PYGL: variants seen among roughly 807,000 people sequenced by gnomAD.
PYGL encodes the protein glycogen phosphorylase, liver form.
A neutral mutation model predicts 100.1 loss-of-function variants in PYGL; 90 were observed. The ratio of observed to expected loss-of-function variants is 0.90; its 90% confidence interval spans 0.76 to 1.07. The LOEUF (loss-of-function observed/expected upper bound fraction) is 1.07. Among genes scored for constraint, PYGL ranks in the 50% least tolerant of loss-of-function variants. PYGL has a pLI of 0.00. For synonymous variants in PYGL, 373 were observed against 393.0 expected, an observed-to-expected ratio of 0.95 and a Z score of 0.60; for missense variants, 1,016 against 1,057.6, an observed-to-expected ratio of 0.96 and a Z score of 0.55.
chr14:50,912,501 C>G (rs981234003), intron 13 of PYGL, 198 bp from the exon 14 acceptor site: 18 of 652,058 alleles, frequency 2.8e-5, no homozygotes, highest in Non-Finnish European at 4.4e-5. Flanking sequence ...ACCACTACTG[C>G]CTGGCTAATT....
At chr14:50,917,802 C>T (rs1371881192) in intron 7 of PYGL, among the ~76,000 whole-genome samples, 11 of 152,226 alleles carry the variant, frequency 7.2e-5, no homozygotes, top group Non-Finnish European at 1.6e-4. Context: ...GATTTGCTGT[C>T]GGTCACCTCA....
intron 4 of PYGL, among the ~76,000 whole-genome samples, chr14:50,926,629 G>A (rs2050549901): frequency 6.9e-6 from 1 of 145,826 alleles, no homozygotes; most frequent in African/African-American, 2.6e-5. Flanking sequence ...AGGAGGCTGA[G>A]GCAAAAGAAT....
At chr14:50,909,052 C>T (rs2050363897) in intron 17 of PYGL, 97 bp from the exon 18 acceptor site, 3 of 1,355,656 alleles carry the variant, frequency 2.2e-6, no homozygotes, top group African/African-American at 2.9e-5. Context: ...TGAAAAAATA[C>T]ATTCAGAAAT....
chr14:50,928,927 T>C (rs991397557), intron 4 of PYGL, among the ~76,000 whole-genome samples: 9 of 152,240 alleles, frequency 5.9e-5, no homozygotes, highest in African/African-American at 1.7e-4. Context: ...CCCATCCCAG[T>C]AAACAATGGA....
intron 1 of PYGL, among the ~76,000 whole-genome samples, chr14:50,941,112 A>C (rs567844540): frequency 6.6e-6 from 1 of 152,374 alleles, no homozygotes; most frequent in African/African-American, 2.4e-5. Flanking sequence ...GCCAATGATA[A>C]TTGAGCAGGG....
chr14:50,933,765 TAC>T (rs748372449), intron 3 of PYGL, among the ~76,000 whole-genome samples: 1 of 151,266 alleles, frequency 6.6e-6, no homozygotes, highest in Non-Finnish European at 1.5e-5. Flanking sequence ...CACACATATA[TAC>T]ACACACACAC....
chr14:50,943,739 T>A (rs1403387479), intron 1 of PYGL, among the ~76,000 whole-genome samples: 2 of 152,210 alleles, frequency 1.3e-5, no homozygotes, highest in Non-Finnish European at 1.5e-5. Flanking sequence ...AAGATTTTTG[T>A]CCCTTTTGTT....
chr14:50,919,561 C>A (rs894201831), intron 7 of PYGL, among the ~76,000 whole-genome samples: 2 of 152,084 alleles, frequency 1.3e-5, no homozygotes, highest in African/African-American at 4.8e-5. Context: ...TTAAAAAAAT[C>A]ATTACAGCTT....
At chr14:50,923,943 G>C (rs374482559) in intron 5 of PYGL, 26 bp downstream of exon 5, 2 of 1,606,586 alleles carry the variant, frequency 1.2e-6, no homozygotes, top group South Asian at 1.1e-5. Context: ...TATACAAAAC[G>C]CTGGCTATAC....
In PYGL at chr14:50,908,308, T is replaced by G. The variant is rs1437176824; in HGVS notation, c.2342A>C (p.Tyr781Ser). The G allele has an allele frequency of 4.4e-6, 7 of 1,605,040 alleles. No individual in the cohort carries two copies. Among genetic ancestry groups the G allele is most frequent in the Admixed American group, 1.7e-5 (1 of 59,994 alleles). The change falls in exon 19 of 20, where the codon TAT (tyrosine) becomes TCT (serine). Residue 781 changes from tyrosine to serine, a missense_variant. Transcript: ENST00000216392. Reference protein sequence around the residue: ...RFKVFADYEAYVKCQDKVSQL... With the variant: ...RFKVFADYEASVKCQDKVSQL... ...ACTCACTTTATCTTGACACTTGACA[T>G]AGGCTTCGTAGTCTGCAAAGACTTT...
At chr14:50,930,660 C>G (rs1379817947) in intron 4 of PYGL, among the ~76,000 whole-genome samples, 1 of 152,094 alleles carries the variant, frequency 6.6e-6, no homozygotes, top group Non-Finnish European at 1.5e-5. Flanking sequence ...AGTGGTGACA[C>G]TAAACTCATT....
intron 4 of PYGL, among the ~76,000 whole-genome samples, chr14:50,929,223 G>T (rs1012765785): frequency 6.6e-6 from 1 of 151,988 alleles, no homozygotes; most frequent in Non-Finnish European, 1.5e-5. Flanking sequence ...GCCAATTTTT[G>T]TATTTTTAGT....
chr14:50,914,070 TGTTA>T lies in PYGL; in HGVS notation c.1518+627_1518+630del, dbSNP rs577582530. Among the ~76,000 whole-genome samples, 686 of 152,326 alleles carry T rather than the reference TGTTA, an allele frequency of 4.5e-3. 3 individuals are homozygous for T. The highest frequency in any genetic ancestry group is 7.4e-3 in the Non-Finnish European group (506 of 68,032). On this transcript the variant is annotated intron_variant, in intron 12 of 19. Coordinates refer to ENST00000216392, the MANE Select transcript of PYGL (RefSeq NM_002863.5). ...TAAGAGTGACCAGGAACCCAGGTTCTGTTAGTTATTTATATGAGCTTTATTATCC... is the reference window on the plus strand; with the variant it reads ...TAAGAGTGACCAGGAACCCAGGTTCTGTTATTTATATGAGCTTTATTATCC...
chr14:50,909,849 GGGGGGA>G, intron 17 of PYGL, 40 bp downstream of exon 17: 1 of 1,601,502 alleles, frequency 6.2e-7, no homozygotes, highest in Non-Finnish European at 8.6e-7. Context: ...ATACCTTCTA[GGGGGGA>G]GGGGCAGTCC....
intron 4 of PYGL, among the ~76,000 whole-genome samples, chr14:50,925,436 A>G (rs181145936): frequency 1.2e-4 from 19 of 152,336 alleles, no homozygotes; most frequent in African/African-American, 4.3e-4. Flanking sequence ...AATCTCCAAT[A>G]TGGTTATTTT....
At chr14:50,920,004 A>G (rs1184604781) in intron 7 of PYGL, among the ~76,000 whole-genome samples, 2 of 151,230 alleles carry the variant, frequency 1.3e-5, no homozygotes, top group African/African-American at 2.4e-5. Context: ...TTTTTTTTTA[A>G]CTAAGCTATA....
At chr14:50,927,386 A>G (rs1259222368) in intron 4 of PYGL, among the ~76,000 whole-genome samples, 2 of 151,898 alleles carry the variant, frequency 1.3e-5, no homozygotes, top group Non-Finnish European at 1.5e-5. Flanking sequence ...CACCACACAC[A>G]ACTAATTTTT....
At chr14:50,908,020 C>CAAA (rs34040095) in intron 19 of PYGL, 2,320 of 226,662 alleles carry the variant, frequency 0.01, 13 homozygotes, top group Non-Finnish European at 0.013. Flanking sequence ...AGATCTGTCT[C>CAAA]AAAAAAAAAA....
Position 50,908,941 on chromosome 14 carries a change from T to G in PYGL, c.2192A>C (p.Glu731Ala), listed in dbSNP as rs777479533. Residue 731 changes from glutamate to alanine, a missense_variant, in exon 18 of 20, where the codon GAA becomes GCA. Glu to Ala is a moderately radical substitution (Grantham distance 107). Coordinates refer to ENST00000216392, the MANE Select transcript of PYGL (RefSeq NM_002863.5). ...CAGCTCTGGAAGTGCCTCATAGTATTCTTTTGCCTCGTACCTGTGGGGTAG... is the reference window on the plus strand; with the variant it reads ...CAGCTCTGGAAGTGCCTCATAGTATGCTTTTGCCTCGTACCTGTGGGGTAG... ...ALDKKGYEAK[E>A]YYEALPELKL... 8.7e-6 allele frequency: 14 copies of G among 1,601,822 alleles called. No homozygotes were observed. Among genetic ancestry groups the G allele is most frequent in the Non-Finnish European group, 1.2e-5 (14 of 1,170,096 alleles).
Sources: allele counts gnomAD v4.1 joint callset (sites outside exome capture counted in the v4.1 genomes callset), GRCh38; gene constraint gnomAD v4.1.1; transcripts MANE v1.5; gene names NCBI Gene and HGNC (gene_info 2026-07-23, HGNC 2026-07-21).